KLF12: variants seen among roughly 807,000 people sequenced by gnomAD.
The protein encoded by KLF12 is Krueppel-like factor 12.
KLF12 carries 9 observed loss-of-function variants against 37.8 expected under a neutral mutation model. The ratio of observed to expected loss-of-function variants is 0.24; its 90% CI spans 0.14 to 0.42. KLF12 has a LOEUF of 0.42. Ranked by LOEUF, KLF12 falls within the 10% of genes least tolerant of loss-of-function variation. The pLI, the probability that KLF12 is intolerant of heterozygous loss-of-function variation, is 1.00. For synonymous variants in KLF12, 208 were observed against 202.1 expected (o/e 1.03, Z -0.25); for missense variants, 411 against 516.0 (o/e 0.80, Z 1.97).
At chr13:73,781,809 T>C (rs1880983922) in intron 5 of KLF12, among the ~76,000 whole-genome samples, 1 of 152,100 alleles carries the variant, frequency 6.6e-6, no homozygotes, top group Admixed American at 6.6e-5. Flanking sequence ...AACTGCCTAT[T>C]ACCAAGCAGT....
intron 3 of KLF12, among the ~76,000 whole-genome samples, chr13:73,852,826 A>G (rs1885401477): frequency 6.6e-6 from 1 of 151,936 alleles, no homozygotes. Flanking sequence ...AGAAAATTTG[A>G]AGTCTATACA....
At chr13:73,926,174 A>G (rs150221655) in intron 3 of KLF12, among the ~76,000 whole-genome samples, 34 of 152,354 alleles carry the variant, frequency 2.2e-4, no homozygotes, top group African/African-American at 7.7e-4. Flanking sequence ...ACTATCGAAT[A>G]GCATTGCATG....
intron 5 of KLF12, among the ~76,000 whole-genome samples, chr13:73,768,988 G>A (rs1480462135): frequency 1.3e-5 from 2 of 152,120 alleles, no homozygotes; most frequent in Admixed American, 6.5e-5. Flanking sequence ...AATTTTCCAT[G>A]TATTTAAGCC....
At chr13:74,005,974 A>C (rs1335964661) in intron 1 of KLF12, among the ~76,000 whole-genome samples, 3 of 152,108 alleles carry the variant, frequency 2.0e-5, no homozygotes, top group Non-Finnish European at 4.4e-5. Flanking sequence ...CCTTCCTGTC[A>C]CCACATCTGG....
intron 6 of KLF12, among the ~76,000 whole-genome samples, chr13:73,763,410 G>A (rs1266448616): frequency 6.6e-6 from 1 of 151,946 alleles, no homozygotes; most frequent in African/African-American, 2.4e-5. Flanking sequence ...ACAGTGCCTG[G>A]GACTGTAAAT....
the KLF12 span, among the ~76,000 whole-genome samples, chr13:74,284,806 A>G: frequency 1.3e-5 from 2 of 152,244 alleles, no homozygotes; most frequent in Non-Finnish European, 2.9e-5. Context: ...TATGAAGTCC[A>G]TGAAAATTAT....
chr13:73,859,354 C>T (rs1312055729), intron 3 of KLF12, among the ~76,000 whole-genome samples: 3 of 152,120 alleles, frequency 2.0e-5, no homozygotes, highest in Non-Finnish European at 2.9e-5. Context: ...GCCCATGGCC[C>T]CAGTGGAACA....
At chr13:73,975,282 G>A (rs902040683) in intron 2 of KLF12, among the ~76,000 whole-genome samples, 1 of 152,172 alleles carries the variant, frequency 6.6e-6, no homozygotes, top group Admixed American at 6.5e-5. Context: ...AATCCAGTTA[G>A]ATCTTTAAAC....
the KLF12 span, among the ~76,000 whole-genome samples, chr13:74,228,886 A>T: frequency 1.3e-5 from 2 of 151,958 alleles, no homozygotes; most frequent in Non-Finnish European, 2.9e-5. Flanking sequence ...GAAAAAAAAA[A>T]CACACCAGAA....
chr13:74,146,727 G>A, the KLF12 span, among the ~76,000 whole-genome samples: 2 of 152,122 alleles, frequency 1.3e-5, no homozygotes, highest in Non-Finnish European at 2.9e-5. Flanking sequence ...AAAAATTAAT[G>A]TGCTAAGTGT....
chr13:74,104,630 C>T (rs1876551447), intron 1 of KLF12, among the ~76,000 whole-genome samples: 1 of 152,238 alleles, frequency 6.6e-6, no homozygotes, highest in African/African-American at 2.4e-5. Context: ...TATACAATTT[C>T]CTGAGTCAAT....
the KLF12 span, among the ~76,000 whole-genome samples, chr13:74,156,186 A>G: frequency 6.6e-6 from 1 of 152,192 alleles, no homozygotes; most frequent in East Asian, 1.9e-4. Flanking sequence ...TCCCCTGAAT[A>G]TAGGATTTAT....
the KLF12 span, among the ~76,000 whole-genome samples, chr13:74,174,378 G>A: frequency 1.4e-5 from 2 of 148,102 alleles, no homozygotes; most frequent in Admixed American, 1.4e-4. Flanking sequence ...TGTTGCCCAG[G>A]CTGGAGTGCA....
At chr13:73,733,937 A>C (rs1045080492) in intron 6 of KLF12, among the ~76,000 whole-genome samples, 1 of 152,202 alleles carries the variant, frequency 6.6e-6, no homozygotes, top group Non-Finnish European at 1.5e-5. Context: ...TATTTCACTT[A>C]GAACAAAGCT....
rs571821638 is a variant in KLF12 at position 73,845,858 on chromosome 13, C to T, written c.639G>A (p.Pro213=). ...CATGGCCTCTCCCATCCTCCAAAAG[C>T]GGCACGACAATAGTGTTGTTCACAT... Residue 213 remains proline (P), a synonymous_variant, in exon 4 of 8, where the codon CCG becomes CCA. Transcript: ENST00000377669. The T allele has an allele frequency of 2.4e-5, 38 of 1,613,916 alleles. No individual in the cohort carries two copies. Among genetic ancestry groups the T allele is most frequent in the East Asian group, 6.7e-5 (3 of 44,886 alleles).
intron 4 of KLF12, among the ~76,000 whole-genome samples, chr13:73,835,850 T>C (rs531136010): frequency 3.9e-5 from 6 of 152,280 alleles, no homozygotes; most frequent in Non-Finnish European, 8.8e-5. Context: ...AAATCACTCA[T>C]TGTGAGCTAC....
chr13:74,007,898 G>A (rs1211209279), intron 1 of KLF12, among the ~76,000 whole-genome samples: 10 of 147,488 alleles, frequency 6.8e-5, no homozygotes, highest in Non-Finnish European at 3.0e-5. Context: ...AAAAAAAAAC[G>A]CAATGTGAAA....
At chr13:73,774,923 T>C (rs956433770) in intron 5 of KLF12, among the ~76,000 whole-genome samples, 3 of 151,158 alleles carry the variant, frequency 2.0e-5, no homozygotes, top group South Asian at 2.1e-4. Flanking sequence ...ATTCTTTTTT[T>C]TTTTTTTTTT....
At chr13:74,243,754 C>T in the KLF12 span, among the ~76,000 whole-genome samples, 1 of 152,066 alleles carries the variant, frequency 6.6e-6, no homozygotes. Context: ...AGAGGACATT[C>T]TTTAAGGAGG....
Sources: gnomAD v4.1 joint callset for allele counts (sites outside exome capture counted in the v4.1 genomes callset) on GRCh38, gnomAD v4.1.1 for gene constraint, MANE v1.5 for transcripts, NCBI Gene and HGNC (gene_info 2026-07-23, HGNC 2026-07-21) for gene names.